The following UHRF2 variants were observed in gnomAD, a reference collection of about 807,000 sequenced individuals.
UHRF2 encodes E3 ubiquitin-protein ligase UHRF2.
A neutral mutation model predicts 96.8 loss-of-function variants in UHRF2; 23 were observed. That is an observed-to-expected ratio of 0.24 (90% CI 0.17 to 0.34). UHRF2 has a LOEUF of 0.34. UHRF2 is among the 10% of genes least tolerant of loss of function. The probability of loss-of-function intolerance (pLI) is 1.00; values close to 1 mark genes in which losing one functional copy is unlikely to be tolerated. For missense variants in UHRF2, 685 were observed against 981.5 expected (o/e 0.70, Z 4.04); for synonymous variants, 385 against 332.6 (o/e 1.16, Z -1.72).
intron 2 of UHRF2, among the ~76,000 whole-genome samples, chr9:6,424,673 G>T (rs976737590): frequency 6.6e-6 from 1 of 151,780 alleles, no homozygotes; most frequent in African/African-American, 2.4e-5. Context: ...TATTTTCTTA[G>T]CTTTTACCTC....
rs1322612478 is a variant in UHRF2 at position 6,481,667 on chromosome 9, T to A, written c.1185T>A (p.Asp395Glu). The A allele has an allele frequency of 6.2e-7, 1 of 1,613,582 alleles. No homozygotes were observed. The highest frequency in any genetic ancestry group is 8.5e-7 in the Non-Finnish European group (1 of 1,179,786). Residue 395 changes from aspartate to glutamate, a missense_variant, in exon 7 of 16, where the codon GAT becomes GAA. Asp to Glu is a conservative substitution (Grantham distance 45). Transcript: ENST00000276893. ...EYWYCPSCKT[D>E]SSEVVKAGER... is the part of the protein sequence containing the mutation. ...GGTATTGTCCTTCTTGTAAAACTGA[T>A]TCCAGTGAAGTTGTAAAGGCTGGTG... is the stretch of plus-strand genomic sequence containing the variant.
intron 3 of UHRF2, among the ~76,000 whole-genome samples, chr9:6,434,606 T>C (rs1349945216): frequency 2.0e-5 from 3 of 151,774 alleles, no homozygotes; most frequent in Admixed American, 6.6e-5. Flanking sequence ...GCCTGATTAA[T>C]TCTTGTATTT....
At position 6,443,425 on chromosome 9, in the gene UHRF2, A is replaced by G. The variant is rs534621000; in HGVS notation, c.644+9252A>G. ...GCTCAGTGTTAGAGAGCTAGTAAGT[A>G]GCAGGCAGATTCCAAAAAGCGCATG... On this transcript the variant is annotated intron_variant, in intron 3 of 15. Coordinates refer to ENST00000276893, the MANE Select transcript of UHRF2 (RefSeq NM_152896.3). Among the ~76,000 whole-genome samples the G allele has an allele frequency of 2.0e-5, 3 of 152,376 alleles. No individual in the cohort carries two copies. In the South Asian group the frequency reaches 6.2e-4, roughly 32 times the overall value.
At position 6,479,871 on chromosome 9, in the gene UHRF2, A is replaced by G. The variant is rs114749020; in HGVS notation, c.1161-1772A>G. 6.6e-3 allele frequency among the ~76,000 whole-genome samples: 1,006 copies of G among 152,272 alleles called. 7 individuals carry two copies. The highest frequency in any genetic ancestry group is 0.023 in the African/African-American group (950 of 41,552). On this transcript the variant is annotated intron_variant, in intron 6 of 15. Transcript: ENST00000276893. Reference sequence around the variant, plus strand: ...CCATTCTCACCTCCCAGCCCAAACTACCATCTCTTCCTTGAACTTCTGTAA... The same window carrying G: ...CCATTCTCACCTCCCAGCCCAAACTGCCATCTCTTCCTTGAACTTCTGTAA...
chr9:6,419,198 A>G (rs1819782111), intron 1 of UHRF2, among the ~76,000 whole-genome samples: 1 of 152,340 alleles, frequency 6.6e-6, no homozygotes, highest in African/African-American at 2.4e-5. Context: ...AGCTCGTAAC[A>G]GTAGGTTTTA....
chr9:6,502,408 A>T (rs1456422237), intron 14 of UHRF2, among the ~76,000 whole-genome samples: 1 of 152,208 alleles, frequency 6.6e-6, no homozygotes, highest in Non-Finnish European at 1.5e-5. Flanking sequence ...GATTCCTCAG[A>T]GAGATCTTCC....
At chr9:6,424,113 A>G (rs189641210) in intron 2 of UHRF2, among the ~76,000 whole-genome samples, 9 of 88,706 alleles carry the variant, frequency 1.0e-4, no homozygotes, top group African/African-American at 2.3e-4. Flanking sequence ...AGATAATGCA[A>G]TTAGGCAGGA....
At chr9:6,501,745 C>A (rs144210722) in intron 14 of UHRF2, among the ~76,000 whole-genome samples, 1 of 152,196 alleles carries the variant, frequency 6.6e-6, no homozygotes, top group African/African-American at 2.4e-5. Flanking sequence ...CAGGCGTAAG[C>A]AGAGTCTGAC....
At position 6,475,490 on chromosome 9, in the gene UHRF2, A is replaced by G; in HGVS notation, c.963A>G (p.Gly321=). The G allele has an allele frequency of 1.9e-6, 3 of 1,586,362 alleles. No homozygotes were observed. The highest frequency in any genetic ancestry group is 1.7e-6 in the Non-Finnish European group (2 of 1,165,826). The change falls in exon 5 of 16, where the codon GGA becomes GGG. Residue 321 remains glycine, a synonymous_variant. Transcript: ENST00000276893. ...PGAHPLSFAD[G]KFLRRNDPEC... is the part of the protein sequence containing the mutation. ...CCCATCCCCTTTCATTTGCAGATGG[A>G]AAGTTTTTAAGTATGGATTTTTGTT... is the stretch of plus-strand genomic sequence containing the variant.
Position 6,460,544 on chromosome 9 carries a change from A to G in UHRF2, c.645-29A>G, listed in dbSNP as rs768431987. ...AAAACTTTAGTTGTCTTTGGTAATC[A>G]TAAGCCATATGGTTTTCTCTCTCCT... On this transcript the variant is annotated intron_variant, in intron 3 of 15. Transcript: ENST00000276893. 1.0e-5 allele frequency: 16 copies of G among 1,554,118 alleles called. No homozygotes were observed. In the South Asian group the frequency reaches 1.3e-4, roughly 13 times the overall value.
chr9:6,450,706 C>G (rs1330846776), intron 3 of UHRF2, among the ~76,000 whole-genome samples: 1 of 152,146 alleles, frequency 6.6e-6, no homozygotes, highest in Non-Finnish European at 1.5e-5. Flanking sequence ...TTTAACCTAT[C>G]CCAGTTGTTA....
At chr9:6,492,686 A>C (rs1824731182) in intron 9 of UHRF2, 1 of 152,558 alleles carries the variant, frequency 6.6e-6, no homozygotes, top group Non-Finnish European at 1.5e-5. Flanking sequence ...TCTTGCATTA[A>C]AGAATCACTA....
chr9:6,457,672 A>G (rs1194766352), intron 3 of UHRF2, among the ~76,000 whole-genome samples: 1 of 152,196 alleles, frequency 6.6e-6, no homozygotes, highest in Non-Finnish European at 1.5e-5. Flanking sequence ...TTATTTTGAG[A>G]TACATTCCAT....
chr9:6,453,079 C>T (rs1245040083), intron 3 of UHRF2, among the ~76,000 whole-genome samples: 1 of 152,120 alleles, frequency 6.6e-6, no homozygotes, highest in Non-Finnish European at 1.5e-5. Flanking sequence ...CTTTTACAGA[C>T]TTAACTATGT....
chr9:6,441,847 C>T (rs1472610306), intron 3 of UHRF2, among the ~76,000 whole-genome samples: 1 of 151,690 alleles, frequency 6.6e-6, no homozygotes, highest in African/African-American at 2.4e-5. Flanking sequence ...AAATGAGGGA[C>T]CATTTCTCCA....
chr9:6,498,009 G>A lies in UHRF2; in HGVS notation c.1768-9G>A. The A allele has an allele frequency of 6.2e-7, 1 of 1,611,146 alleles. No individual in the cohort carries two copies. The highest frequency in any genetic ancestry group is 8.5e-7 in the Non-Finnish European group (1 of 1,179,472). ...AATCTCAAACTGGCACTGAAATATTGTGATTTAGGTGGTGAAATACTGGCC... is the reference window on the plus strand; with the variant it reads ...AATCTCAAACTGGCACTGAAATATTATGATTTAGGTGGTGAAATACTGGCC... On this transcript the variant is annotated splice_polypyrimidine_tract_variant and intron_variant, in intron 11 of 15. Coordinates refer to ENST00000276893, the MANE Select transcript of UHRF2 (RefSeq NM_152896.3).
At chr9:6,504,014 A>ATTTTT (rs1816444749) in intron 14 of UHRF2, among the ~76,000 whole-genome samples, 1 of 113,856 alleles carries the variant, frequency 8.8e-6, no homozygotes, top group African/African-American at 4.3e-5. Flanking sequence ...TAAATAGAAG[A>ATTTTT]CTTTTTTTTT....
At chr9:6,489,231 A>G (rs1484216483) in intron 9 of UHRF2, among the ~76,000 whole-genome samples, 1 of 152,204 alleles carries the variant, frequency 6.6e-6, no homozygotes, top group Non-Finnish European at 1.5e-5. Context: ...AGATTGTGGC[A>G]TGTATCAATA....
chr9:6,476,371 A>G (rs967934770), intron 5 of UHRF2, among the ~76,000 whole-genome samples: 2 of 152,212 alleles, frequency 1.3e-5, no homozygotes, highest in African/African-American at 4.8e-5. Flanking sequence ...TTAGTTTTTA[A>G]TAATGAGATT....
Sources: allele counts gnomAD v4.1 joint callset (sites outside exome capture counted in the v4.1 genomes callset), GRCh38; gene constraint gnomAD v4.1.1; transcripts MANE v1.5; gene names NCBI Gene and HGNC (gene_info 2026-07-23, HGNC 2026-07-21).